TMEM237: variants seen among roughly 807,000 people sequenced by gnomAD.
TMEM237 encodes amyotrophic lateral sclerosis 2 (juvenile) chromosome region, candidate 4.
TMEM237 carries 51 observed loss-of-function variants against 59.1 expected under a neutral mutation model. That is an observed-to-expected ratio of 0.86 (90% CI 0.69 to 1.09). The LOEUF (loss-of-function observed/expected upper bound fraction) is 1.09, where lower values mean the gene tolerates loss of function less well. TMEM237 is among the 50% of genes least tolerant of loss of function. TMEM237 has a pLI of 0.00. For missense variants in TMEM237, 475 were observed against 478.3 expected (o/e 0.99, Z 0.06); for synonymous variants, 140 against 166.1 (o/e 0.84, Z 1.21).
Position 201,643,046 on chromosome 2 carries a change from G to A in TMEM237, c.42+313C>T. The A allele has an allele frequency of 8.0e-7, 1 of 1,254,048 alleles. No homozygotes were observed. The highest frequency in any genetic ancestry group is 1.9e-5 in the South Asian group (1 of 51,542). 77.7% of individuals were successfully genotyped at this position (1,254,048 alleles called of 1,614,324 possible). A position where few individuals can be genotyped will look rare whatever the true frequency, so the allele number is the denominator to read the frequency against. On this transcript the variant is annotated intron_variant, in intron 1 of 12. Coordinates refer to ENST00000409883, the MANE Select transcript of TMEM237 (RefSeq NM_001044385.3). The surrounding 1 kb of genome is among the most constrained non-coding windows in gnomAD (Gnocchi z 4.3). ...CTCGGAGGAGTCTAGGAGAGGCCTG[G>A]CTGGAAGCCCCGGCACCCGCCGGGC...
chr2:201,629,018 T>C (rs757804822), intron 9 of TMEM237, among the ~76,000 whole-genome samples: 1 of 152,206 alleles, frequency 6.6e-6, no homozygotes, highest in Non-Finnish European at 1.5e-5. Context: ...GACTTATGAA[T>C]TGATGCTGGA....
rs753142444 is a variant in TMEM237, at chr2:201,629,272, A to T, written c.827T>A (p.Leu276Gln). The T allele has an allele frequency of 6.3e-7, 1 of 1,595,956 alleles. No homozygotes were observed. The highest frequency in any genetic ancestry group is 8.5e-7 in the Non-Finnish European group (1 of 1,174,968). The change falls in exon 9 of 13, where the codon CTG becomes CAG. Residue 276 changes from leucine (L) to glutamine (Q), a missense_variant. By Grantham distance (113) the Leu-to-Gln change is moderately radical. Coordinates refer to ENST00000409883, the MANE Select transcript of TMEM237 (RefSeq NM_001044385.3). ...KTLAYPFQSLLYLLLALSTIS... is the reference protein window; with the variant it reads ...KTLAYPFQSLQYLLLALSTIS... ...TGTACTCAGAGCCAAAAGCAAGTACAGAAGACTCTGGAATGGATACGCTAG... is the reference window on the plus strand; with the variant it reads ...TGTACTCAGAGCCAAAAGCAAGTACTGAAGACTCTGGAATGGATACGCTAG...
At chr2:201,633,636 G>C (rs537768734) in intron 5 of TMEM237, among the ~76,000 whole-genome samples, 25 of 152,126 alleles carry the variant, frequency 1.6e-4, no homozygotes, top group Non-Finnish European at 3.2e-4. Flanking sequence ...AAACAATATG[G>C]AAAAAAATTA....
At chr2:201,640,221 T>C (rs1249138431) in intron 3 of TMEM237, 40 bp downstream of exon 3, 1 of 1,525,558 alleles carries the variant, frequency 6.6e-7, no homozygotes, top group East Asian at 2.4e-5. Context: ...CAAACTAATT[T>C]TTGAACACCA....
chr2:201,633,658 A>G (rs2105900978), intron 5 of TMEM237, among the ~76,000 whole-genome samples: 1 of 152,350 alleles, frequency 6.6e-6, no homozygotes, highest in Non-Finnish European at 1.5e-5. Context: ...GTAACCCAAT[A>G]CCCAGGCTGT....
At chr2:201,628,561 G>C (rs554521526) in intron 9 of TMEM237, among the ~76,000 whole-genome samples, 2 of 152,210 alleles carry the variant, frequency 1.3e-5, no homozygotes, top group South Asian at 4.1e-4. Flanking sequence ...TTTGGAAGCA[G>C]GGTCTTTGCA....
At chr2:201,627,266 A>C (rs1957767766) in intron 11 of TMEM237, 55 bp downstream of exon 11, 1 of 1,283,638 alleles carries the variant, frequency 7.8e-7, no homozygotes, top group Non-Finnish European at 1.1e-6. Context: ...TGGAAGGATA[A>C]GAAAAGTTGC....
intron 9 of TMEM237, among the ~76,000 whole-genome samples, chr2:201,628,506 G>C (rs1957779462): frequency 6.6e-6 from 1 of 152,028 alleles, no homozygotes; most frequent in Admixed American, 6.6e-5. Context: ...TTCCCAAAAA[G>C]ATATGTTGAA....
In TMEM237 at chr2:201,643,274, G is replaced by GGCCCCCCCCC; in HGVS notation, c.42+84_42+85insGGGGGGGGGC. ...CCTTAGTGATTCCCAGCTCGTTGGCGCCCCCCCACACACACCCACCCCCAC... is the reference window on the plus strand; with the variant it reads ...CCTTAGTGATTCCCAGCTCGTTGGCGGCCCCCCCCCCCCCCCCACACACACCCACCCCCAC... On this transcript the variant is annotated intron_variant, in intron 1 of 12. Transcript: ENST00000409883. This position sits in a 1 kb window ranked among gnomAD's most constrained non-coding sequence, Gnocchi z 4.3. The GGCCCCCCCCC allele has an allele frequency of 2.5e-6, 3 of 1,206,722 alleles. No homozygotes were observed. The highest frequency in any genetic ancestry group is 3.5e-6 in the Non-Finnish European group (3 of 849,284). The allele number at this position is 1,206,722 out of a possible 1,614,324, so 74.8% of individuals were successfully genotyped here.
At chr2:201,624,840 T>TTA (rs1251248407) in intron 12 of TMEM237, among the ~76,000 whole-genome samples, 1 of 152,216 alleles carries the variant, frequency 6.6e-6, no homozygotes, top group Non-Finnish European at 1.5e-5. Context: ...TAACATGGCC[T>TTA]TAAAAGAACA....
chr2:201,628,454 G>A (rs1301115284), intron 9 of TMEM237, among the ~76,000 whole-genome samples: 1 of 151,968 alleles, frequency 6.6e-6, no homozygotes, highest in Admixed American at 6.6e-5. Context: ...ATATCATTGG[G>A]CTCTAACTCG....
chr2:201,640,833 C>A, intron 2 of TMEM237, 60 bp downstream of exon 2: 3 of 1,381,746 alleles, frequency 2.2e-6, no homozygotes, highest in Non-Finnish European at 2.0e-6. Context: ...TCAATTTTTC[C>A]ACTGTCTTCA....
intron 1 of TMEM237, among the ~76,000 whole-genome samples, chr2:201,642,059 G>C (rs1446939822): frequency 6.6e-6 from 1 of 152,206 alleles, no homozygotes; most frequent in Non-Finnish European, 1.5e-5. Flanking sequence ...CATACACTGG[G>C]AAGAATGCGT....
At chr2:201,637,181 A>G (rs1292673854) in intron 4 of TMEM237, among the ~76,000 whole-genome samples, 2 of 152,208 alleles carry the variant, frequency 1.3e-5, no homozygotes, top group East Asian at 3.8e-4. Flanking sequence ...ACTTTGAAAA[A>G]GGTGGAAAAC....
Position 201,639,039 on chromosome 2 carries a change from A to G in TMEM237, c.86T>C (p.Ile29Thr). 2 of 1,578,816 alleles carry G rather than the reference A, an allele frequency of 1.3e-6. 1 individual carries two copies. The highest frequency in any genetic ancestry group is 2.3e-5 in the South Asian group (2 of 85,924). ...CTTTTTCTTAGGACGACTAAGTGGA[A>G]TATCATCTATAAAGCAAGAAAAAAC... ...ALPPVPSQDD[I>T]PLSRPKKKKP... The change falls in exon 4 of 13, where the codon ATT (isoleucine) becomes ACT (threonine). Residue 29 changes from isoleucine (I) to threonine (T), a missense_variant. Transcript: ENST00000409883.
intron 3 of TMEM237, among the ~76,000 whole-genome samples, chr2:201,639,816 G>A (rs1687378568): frequency 6.6e-6 from 1 of 151,986 alleles, no homozygotes; most frequent in African/African-American, 2.4e-5. Context: ...AAAAAAAAAA[G>A]TAGCCTAGAT....
chr2:201,636,998 T>C (rs1687308408), intron 4 of TMEM237, 113 bp from the exon 5 acceptor site: 15 of 1,072,206 alleles, frequency 1.4e-5, no homozygotes, highest in Non-Finnish European at 1.9e-5. Context: ...ACCCCATCTC[T>C]TTCAGAACTA....
Position 201,629,644 on chromosome 2 carries a change from C to T in TMEM237, c.677+85G>A, listed in dbSNP as rs183308915. ...TTAAGTTGTGATTTCATTAATAATA[C>T]TGAACAACCAAGAGGTTATTTTTTT... On this transcript the variant is annotated intron_variant, in intron 8 of 12. Transcript: ENST00000409883. 1,099 of 1,520,538 alleles carry T rather than the reference C, an allele frequency of 7.2e-4. 9 individuals carry two copies. In the African/African-American group the frequency reaches 0.013, roughly 18 times the overall value. The allele number at this position is 1,520,538 out of a possible 1,614,324, so 94.2% of individuals were successfully genotyped here.
chr2:201,626,241 C>A (rs1012533709), intron 11 of TMEM237, 94 bp from the exon 12 acceptor site: 7 of 1,332,492 alleles, frequency 5.3e-6, no homozygotes, highest in Non-Finnish European at 7.2e-6. Flanking sequence ...AAACAGCAGT[C>A]CTCTCCTAGA....
Sources: gnomAD v4.1 joint callset for allele counts (sites outside exome capture counted in the v4.1 genomes callset) on GRCh38, gnomAD v4.1.1 for gene constraint, Gnocchi (gnomAD v3.1) non-coding constraint, MANE v1.5 for transcripts, NCBI Gene and HGNC (gene_info 2026-07-23, HGNC 2026-07-21) for gene names.